Variants in ALDH5A1 observed in about 807,000 individuals in gnomAD.
ALDH5A1 encodes the protein succinate-semialdehyde dehydrogenase, mitochondrial.
A neutral mutation model predicts 54.7 loss-of-function variants in ALDH5A1; 33 were observed. The observed-to-expected ratio is 0.60, with a 90% CI of 0.46 to 0.81. The LOEUF is 0.81. Among genes scored for constraint, ALDH5A1 ranks in the 30% least tolerant of loss-of-function variants. The pLI is 0.00. For missense variants in ALDH5A1, 657 were observed against 711.0 expected (o/e 0.92, Z 0.86); for synonymous variants, 294 against 292.7 (o/e 1.00, Z -0.05).
intron 4 of ALDH5A1, 58 bp downstream of exon 4, chr6:24,505,043 T>C: frequency 6.3e-7 from 1 of 1,579,726 alleles, no homozygotes; most frequent in Admixed American, 1.7e-5. Flanking sequence ...TTGATGTTTA[T>C]CTGGGACAGA....
chr6:24,534,028 G>C lies in ALDH5A1; in HGVS notation c.*316G>C. 1 of 347,076 alleles carries C rather than the reference G, an allele frequency of 2.9e-6. No homozygotes were observed. Among genetic ancestry groups the C allele is most frequent in the Non-Finnish European group, 5.5e-6 (1 of 182,134 alleles). The allele number at this position is 347,076 out of a possible 1,614,324, so 21.5% of individuals were successfully genotyped here. ...GCACAAGGCAGGCCCAGCCCCATGG[G>C]CCGTCACAAAGGCTTGATCACTGCC... On this transcript the variant is annotated 3_prime_UTR_variant, in exon 10 of 10. Transcript: ENST00000357578.
intron 4 of ALDH5A1, among the ~76,000 whole-genome samples, chr6:24,513,219 C>T (rs1027889763): frequency 6.6e-6 from 1 of 152,018 alleles, no homozygotes; most frequent in Non-Finnish European, 1.5e-5. Context: ...ACCACCATAC[C>T]CAGCTAATTT....
At chr6:24,522,117 G>T (rs1429066211) in intron 6 of ALDH5A1, among the ~76,000 whole-genome samples, 1 of 151,920 alleles carries the variant, frequency 6.6e-6, no homozygotes, top group African/African-American at 2.4e-5. Flanking sequence ...AAGTGCTGGG[G>T]TTACAGGCAT....
intron 7 of ALDH5A1, among the ~76,000 whole-genome samples, chr6:24,523,928 A>C (rs898495093): frequency 3.3e-5 from 5 of 152,028 alleles, no homozygotes. Flanking sequence ...GTTTTAAAAA[A>C]ATCCATTTTG....
rs1309228484 is a variant in ALDH5A1, at chr6:24,518,289, C to T, written c.871-2112C>T. 1.3e-5 allele frequency among the ~76,000 whole-genome samples: 2 copies of T among 152,226 alleles called. No homozygotes were observed. Among genetic ancestry groups the T allele is most frequent in the African/African-American group, 4.8e-5 (2 of 41,448 alleles). ...AGCTGAGGCCCTGAGGAGGTCAGCC[C>T]ATGGGAACTGGAGCTGGGAAAAGAT... On this transcript the variant is annotated intron_variant, in intron 5 of 9. Coordinates refer to ENST00000357578, the MANE Select transcript of ALDH5A1 (RefSeq NM_001080.3). This position sits in a 1 kb window ranked among gnomAD's most constrained non-coding sequence, Gnocchi z 4.2.
intron 7 of ALDH5A1, among the ~76,000 whole-genome samples, chr6:24,523,468 A>G (rs1759742815): frequency 6.6e-6 from 1 of 152,224 alleles, no homozygotes; most frequent in African/African-American, 2.4e-5. Flanking sequence ...AGTTATATGA[A>G]TCGGGTTGTT....
At chr6:24,508,361 C>CAAAAAAAAAAA (rs1214819272) in intron 4 of ALDH5A1, among the ~76,000 whole-genome samples, 16 of 13,072 alleles carry the variant, frequency 1.2e-3, no homozygotes, top group African/African-American at 3.7e-3. Flanking sequence ...ACTCCATCTC[C>CAAAAAAAAAAA]AAAAAAAAAA....
chr6:24,526,196 A>G (rs1759795412), intron 7 of ALDH5A1, among the ~76,000 whole-genome samples: 1 of 152,154 alleles, frequency 6.6e-6, no homozygotes, highest in South Asian at 2.1e-4. Flanking sequence ...TGGAGCTGAG[A>G]AGGAGCTGAC....
chr6:24,497,335 G>A lies in ALDH5A1; in HGVS notation c.354+1985G>A, dbSNP rs145061672. Among the ~76,000 whole-genome samples the A allele has an allele frequency of 1.2e-4, 18 of 149,890 alleles. No individual in the cohort carries two copies. In the East Asian group the frequency reaches 2.9e-3, roughly 24 times the overall value. ...TGCTGATTGGTGCGTTTTACAGAGCGCTGATTGGTGCATTTTACAGAGCGT... is the reference window on the plus strand; with the variant it reads ...TGCTGATTGGTGCGTTTTACAGAGCACTGATTGGTGCATTTTACAGAGCGT... On this transcript the variant is annotated intron_variant, in intron 1 of 9. Coordinates refer to ENST00000357578, the MANE Select transcript of ALDH5A1 (RefSeq NM_001080.3).
intron 4 of ALDH5A1, among the ~76,000 whole-genome samples, chr6:24,513,060 TC>T (rs1246292225): frequency 1.4e-5 from 2 of 142,996 alleles, no homozygotes; most frequent in African/African-American, 5.2e-5. Flanking sequence ...TTATTCTACT[TC>T]TTATTATTTT....
intron 9 of ALDH5A1, among the ~76,000 whole-genome samples, chr6:24,533,011 G>C (rs1759964571): frequency 6.6e-6 from 1 of 152,098 alleles, no homozygotes; most frequent in Non-Finnish European, 1.5e-5. Flanking sequence ...AGAGATTCTG[G>C]GCAGAGGGCA....
At position 24,533,526 on chromosome 6, in the gene ALDH5A1, C is replaced by T; in HGVS notation, c.1422C>T (p.Asp474=). The part of the protein sequence containing the change: ...VGLAGYFYSQ[D]PAQIWRVAEQ... ...TGACAGGTTATTTTTACTCTCAAGA[C>T]CCAGCCCAGATCTGGAGAGTGGCAG... Residue 474 remains aspartate (D), a synonymous_variant, in exon 10 of 10, where the codon GAC becomes GAT. Coordinates refer to ENST00000357578, the MANE Select transcript of ALDH5A1 (RefSeq NM_001080.3). The T allele has an allele frequency of 6.2e-7, 1 of 1,614,128 alleles. No individual in the cohort carries two copies.
At chr6:24,516,466 A>T (rs1365427988) in intron 5 of ALDH5A1, among the ~76,000 whole-genome samples, 1 of 149,882 alleles carries the variant, frequency 6.7e-6, no homozygotes, top group Admixed American at 6.6e-5. Flanking sequence ...AAAATTAAAA[A>T]TTAAAAAAAA....
chr6:24,528,133 A>G lies in ALDH5A1; in HGVS notation c.1310A>G (p.Glu437Gly), dbSNP rs201834553. The G allele has an allele frequency of 2.5e-6, 4 of 1,613,952 alleles. No homozygotes were observed. In the East Asian group the frequency reaches 8.9e-5, roughly 36 times the overall value. The part of the protein sequence containing the change: ...NVTQDMLCTH[E>G]ETFGPLAPVI... ...ACCCAGGACATGCTGTGCACTCATGAAGAGACTTTCGGGCCTCTGGCACCA... is the reference window on the plus strand; with the variant it reads ...ACCCAGGACATGCTGTGCACTCATGGAGAGACTTTCGGGCCTCTGGCACCA... Residue 437 changes from glutamate (E) to glycine (G), a missense_variant, in exon 8 of 10, where the codon GAA (glutamate) becomes GGA (glycine). By Grantham distance (98) the Glu-to-Gly change is moderately conservative. Coordinates refer to ENST00000357578, the MANE Select transcript of ALDH5A1 (RefSeq NM_001080.3).
chr6:24,526,936 ATTC>A (rs1446264789), intron 7 of ALDH5A1, among the ~76,000 whole-genome samples: 2 of 126,792 alleles, frequency 1.6e-5, no homozygotes, highest in South Asian at 2.4e-4. Context: ...TCTACTATAT[ATTC>A]TATATATATA....
chr6:24,529,467 T>G (rs888785840), intron 8 of ALDH5A1, among the ~76,000 whole-genome samples: 1 of 151,658 alleles, frequency 6.6e-6, no homozygotes. Flanking sequence ...ACGCCCGGCC[T>G]CTTTATCTAC....
chr6:24,496,579 A>G lies in ALDH5A1; in HGVS notation c.354+1229A>G, dbSNP rs149661603. 3.6e-3 allele frequency among the ~76,000 whole-genome samples: 547 copies of G among 152,292 alleles called. 2 individuals carry two copies. The highest frequency in any genetic ancestry group is 0.017 in the Middle Eastern group (5 of 294). On this transcript the variant is annotated intron_variant, in intron 1 of 9. Coordinates refer to ENST00000357578, the MANE Select transcript of ALDH5A1 (RefSeq NM_001080.3). ...GAGTTGGTTTCTTCTAAGGCCTCTC[A>G]TTGGCTTGCAGAGAGCTCAGCTTTT...
At chr6:24,528,967 G>A (rs77729174) in intron 8 of ALDH5A1, among the ~76,000 whole-genome samples, 6,746 of 151,700 alleles carry the variant, frequency 0.044, 329 homozygotes, top group African/African-American at 0.12. Flanking sequence ...ATGAACCACC[G>A]TGCTCAGACC....
chr6:24,506,901 A>G (rs1759369854), intron 4 of ALDH5A1, among the ~76,000 whole-genome samples: 1 of 141,188 alleles, frequency 7.1e-6, no homozygotes, highest in Non-Finnish European at 1.5e-5. Flanking sequence ...ACTAAAGTCC[A>G]TACTTTAAAA....
Sources: gnomAD v4.1 joint callset for allele counts (sites outside exome capture counted in the v4.1 genomes callset) on GRCh38, gnomAD v4.1.1 for gene constraint, Gnocchi (gnomAD v3.1) non-coding constraint, MANE v1.5 for transcripts, NCBI Gene and HGNC (gene_info 2026-07-23, HGNC 2026-07-21) for gene names.